SEMA6D: variants seen among roughly 807,000 people sequenced by gnomAD.
SEMA6D encodes the protein semaphorin-6D.
Under a neutral mutation model 106.6 loss-of-function variants are expected in SEMA6D, and 35 were observed. The ratio of observed to expected loss-of-function variants is 0.33; its 90% CI spans 0.25 to 0.44. SEMA6D has a LOEUF of 0.44. Among genes scored for constraint, SEMA6D ranks in the 20% least tolerant of loss-of-function variants. The pLI, the probability that SEMA6D is intolerant of heterozygous loss-of-function variation, is 1.00. For synonymous variants in SEMA6D, 499 were observed against 487.7 expected (o/e 1.02, Z -0.31); for missense variants, 1,185 against 1,345.9 (o/e 0.88, Z 1.87).
At chr15:47,264,897 T>C (rs993608300) in intron 1 of SEMA6D, among the ~76,000 whole-genome samples, 2 of 152,152 alleles carry the variant, frequency 1.3e-5, no homozygotes, top group Non-Finnish European at 2.9e-5. Flanking sequence ...TCTATGGATT[T>C]AGTGTGATGT....
At chr15:47,539,838 G>A (rs545166767) in intron 3 of SEMA6D, among the ~76,000 whole-genome samples, 1 of 152,266 alleles carries the variant, frequency 6.6e-6, no homozygotes, top group Admixed American at 6.5e-5. Context: ...GGAGTTGGTG[G>A]ATCTGGGCCC....
intron 3 of SEMA6D, 145 bp from the exon 4 acceptor site, chr15:47,760,833 T>C (rs754131485): frequency 5.8e-4 from 415 of 713,898 alleles, no homozygotes; most frequent in Non-Finnish European, 8.4e-4. Flanking sequence ...AATGAAAAAG[T>C]ACTCTTTGTT....
chr15:47,283,087 G>T (rs2035203686), intron 1 of SEMA6D, among the ~76,000 whole-genome samples: 1 of 152,140 alleles, frequency 6.6e-6, no homozygotes. Context: ...AGGCCAGACT[G>T]TTGGAAAGCC....
chr15:47,703,345 G>T (rs969020122), intron 4 of SEMA6D, among the ~76,000 whole-genome samples: 5 of 152,046 alleles, frequency 3.3e-5, no homozygotes, highest in African/African-American at 1.2e-4. Flanking sequence ...ACATTTTCAT[G>T]CTTTTTTTCT....
intron 1 of SEMA6D, among the ~76,000 whole-genome samples, chr15:47,289,035 C>T (rs77504670): frequency 0.022 from 3,386 of 152,070 alleles, 118 homozygotes; most frequent in African/African-American, 0.077. Flanking sequence ...GAAGCTTCAA[C>T]CAAGGTGAAG....
At chr15:47,656,778 G>A (rs947708734) in intron 4 of SEMA6D, among the ~76,000 whole-genome samples, 1 of 152,172 alleles carries the variant, frequency 6.6e-6, no homozygotes. Context: ...AGAGCCCCTT[G>A]ATGATCAATA....
At chr15:47,278,439 T>C (rs1027455151) in intron 1 of SEMA6D, among the ~76,000 whole-genome samples, 5 of 152,302 alleles carry the variant, frequency 3.3e-5, no homozygotes, top group South Asian at 2.1e-4. Context: ...TGATGTCCTT[T>C]GCCCACTTTT....
chr15:47,185,739 A>G (rs1683332255), intron 1 of SEMA6D: 2 of 152,084 alleles, frequency 1.3e-5, no homozygotes, highest in South Asian at 2.1e-4. Context: ...GGAGATCCCA[A>G]AAGACTTCTG....
intron 1 of SEMA6D, among the ~76,000 whole-genome samples, chr15:47,265,402 A>G (rs997053562): frequency 1.3e-5 from 2 of 151,734 alleles, no homozygotes; most frequent in Non-Finnish European, 2.9e-5. Context: ...CAGTTATGGT[A>G]CTTTGCAATT....
chr15:47,579,062 T>C (rs1226637429), intron 3 of SEMA6D, among the ~76,000 whole-genome samples: 3 of 152,098 alleles, frequency 2.0e-5, no homozygotes. Flanking sequence ...GTGGTGTACA[T>C]ATGAAGCCCC....
chr15:47,590,150 A>G (rs1202635145), intron 3 of SEMA6D, among the ~76,000 whole-genome samples: 1 of 152,150 alleles, frequency 6.6e-6, no homozygotes, highest in African/African-American at 2.4e-5. Context: ...TCAATGATAG[A>G]CTGGATTAAG....
chr15:47,731,936 T>C (rs753111252), intron 1 of SEMA6D, among the ~76,000 whole-genome samples: 7 of 152,190 alleles, frequency 4.6e-5, no homozygotes, highest in Non-Finnish European at 8.8e-5. Flanking sequence ...GCCTTCAACG[T>C]CAGACAGACG....
chr15:47,384,155 G>A (rs931405907), intron 1 of SEMA6D, among the ~76,000 whole-genome samples: 27 of 152,116 alleles, frequency 1.8e-4, no homozygotes, highest in Admixed American at 9.2e-4. Context: ...GCTTTCACAC[G>A]AGGTCCTCCC....
chr15:47,518,470 A>G (rs1279345720), intron 3 of SEMA6D, among the ~76,000 whole-genome samples: 1 of 152,220 alleles, frequency 6.6e-6, no homozygotes, highest in Non-Finnish European at 1.5e-5. Flanking sequence ...CTTTGTGCAA[A>G]CATCATAGAA....
intron 1 of SEMA6D, among the ~76,000 whole-genome samples, chr15:47,194,539 T>C (rs1198312508): frequency 6.6e-6 from 1 of 152,142 alleles, no homozygotes; most frequent in Non-Finnish European, 1.5e-5. Flanking sequence ...GATCAGCATT[T>C]CACAAAGAAC....
At chr15:47,347,995 C>G (rs1263729843) in intron 1 of SEMA6D, among the ~76,000 whole-genome samples, 1 of 152,168 alleles carries the variant, frequency 6.6e-6, no homozygotes, top group Non-Finnish European at 1.5e-5. Context: ...GAAGTCTCCA[C>G]TCTTTGCCCT....
chr15:47,340,749 AAAGT>A (rs2037781631), intron 1 of SEMA6D, among the ~76,000 whole-genome samples: 2 of 152,166 alleles, frequency 1.3e-5, no homozygotes, highest in Non-Finnish European at 2.9e-5. Context: ...AAGCAAAAGA[AAAGT>A]AAGGAGTAGG....
rs1224663 is a variant in SEMA6D at position 47,711,162 on chromosome 15, T to C, written c.-54-48583T>C. Among the ~76,000 whole-genome samples the C allele has an allele frequency of 7.5e-3, 1,132 of 151,172 alleles. 11 individuals carry two copies. The highest frequency in any genetic ancestry group is 0.026 in the African/African-American group (1,086 of 41,204). On this transcript the variant is annotated intron_variant, in intron 4 of 19. Transcript: ENST00000558014. ...GTCTCTACTAAAAATACAAAAAAAT[T>C]AGCCGGGCGTAGTGGCGGGCGCCTG...
intron 4 of SEMA6D, among the ~76,000 whole-genome samples, chr15:47,604,868 T>G (rs1175275710): frequency 4.0e-5 from 6 of 149,836 alleles, no homozygotes; most frequent in African/African-American, 1.5e-4. Context: ...CCTGGCTAAT[T>G]TTTTTTTTTT....
Sources: gnomAD v4.1 joint callset for allele counts (sites outside exome capture counted in the v4.1 genomes callset) on GRCh38, gnomAD v4.1.1 for gene constraint, MANE v1.5 for transcripts, NCBI Gene and HGNC (gene_info 2026-07-23, HGNC 2026-07-21) for gene names.